The following ZNF138 variants were observed in gnomAD, a reference collection of about 807,000 sequenced individuals.
ZNF138 encodes zinc finger protein 138 (clone pHZ-32).
In ZNF138, 33 loss-of-function variants were observed where a neutral mutation model predicts 33.0. The observed-to-expected ratio is 1.00, with a 90% CI of 0.76 to 1.34. The LOEUF is 1.34. ZNF138 is among the 40% of genes most tolerant of loss of function. The pLI, the probability that ZNF138 is intolerant of heterozygous loss-of-function variation, is 0.00. For synonymous variants in ZNF138, 139 were observed against 120.4 expected, an observed-to-expected ratio of 1.15 and a Z score of -1.01; for missense variants, 360 against 370.8, an observed-to-expected ratio of 0.97 and a Z score of 0.24.
At chr7:64,812,846 T>A (rs1465198436) in intron 1 of ZNF138, among the ~76,000 whole-genome samples, 3 of 51,458 alleles carry the variant, frequency 5.8e-5, no homozygotes, top group Non-Finnish European at 7.3e-5. Context: ...GGGAAAAAAA[T>A]TGCCTTTTTT....
chr7:64,812,948 C>T (rs1788299958), intron 1 of ZNF138, among the ~76,000 whole-genome samples: 1 of 148,640 alleles, frequency 6.7e-6, no homozygotes, highest in Non-Finnish European at 1.5e-5. Context: ...TAAACCTTTA[C>T]TTCTCTAATT....
chr7:64,821,220 G>A (rs1261563251), intron 3 of ZNF138, among the ~76,000 whole-genome samples: 1 of 150,712 alleles, frequency 6.6e-6, no homozygotes, highest in Non-Finnish European at 1.5e-5. Flanking sequence ...CTCCTGAGTA[G>A]CTGGGACTAC....
At chr7:64,839,534 C>T in the ZNF138 span, among the ~76,000 whole-genome samples, 1 of 152,090 alleles carries the variant, frequency 6.6e-6, no homozygotes, top group Non-Finnish European at 1.5e-5. Flanking sequence ...ACTGGCCTTC[C>T]CTTGAGGAAG....
the ZNF138 span, among the ~76,000 whole-genome samples, chr7:64,854,365 G>A: frequency 3.3e-5 from 5 of 152,128 alleles, no homozygotes; most frequent in Non-Finnish European, 4.4e-5. Flanking sequence ...CTCAGCCTGC[G>A]AAGCAGCTGA....
intron 3 of ZNF138, among the ~76,000 whole-genome samples, chr7:64,817,404 A>T (rs1026816533): frequency 2.1e-5 from 3 of 146,186 alleles, no homozygotes; most frequent in Non-Finnish European, 4.5e-5. Context: ...AAGAACGGGA[A>T]TCTTGCAGTT....
chr7:64,827,251 C>CTTT (rs35317442), intron 3 of ZNF138, among the ~76,000 whole-genome samples: 4,486 of 144,634 alleles, frequency 0.031, 100 homozygotes, highest in East Asian at 0.082. Flanking sequence ...CACCATGAAA[C>CTTT]TTTTTTTTTT....
intron 1 of ZNF138, among the ~76,000 whole-genome samples, chr7:64,796,936 G>A (rs1044242120): frequency 6.6e-6 from 1 of 152,176 alleles, no homozygotes; most frequent in African/African-American, 2.4e-5. Context: ...TGTAATCCCA[G>A]CTATTCGGGA....
At chr7:64,854,777 TA>T in the ZNF138 span, among the ~76,000 whole-genome samples, 1 of 152,200 alleles carries the variant, frequency 6.6e-6, no homozygotes, top group Non-Finnish European at 1.5e-5. Flanking sequence ...TTTTGAAATC[TA>T]AAATCCTGGC....
the ZNF138 span, among the ~76,000 whole-genome samples, chr7:64,848,511 G>C: frequency 2.0e-5 from 3 of 151,194 alleles, no homozygotes; most frequent in East Asian, 5.9e-4. Flanking sequence ...ATTGTTTTTC[G>C]TTTATGCTAT....
At chr7:64,837,105 C>T, downstream of ZNF138, among the ~76,000 whole-genome samples, 1 of 152,126 alleles carries the variant, frequency 6.6e-6, no homozygotes. Flanking sequence ...TGGAGCCTGT[C>T]ACATGGAGAA....
rs1458885979 is a variant in ZNF138, at chr7:64,832,918, A to G, written c.*716A>G. The G allele has an allele frequency of 8.2e-5, 32 of 388,916 alleles. No homozygotes were observed. The highest frequency in any genetic ancestry group is 1.3e-4 in the Non-Finnish European group (25 of 193,048). 24.1% of individuals were successfully genotyped at this position (388,916 alleles called of 1,614,324 possible). On this transcript the variant is annotated 3_prime_UTR_variant, in exon 4 of 4. Transcript: ENST00000307355. ...ATGATTCACACTTGAATGAAACCCT[A>G]CAAATGTGAACGATGTGGCAGTTGT... is the stretch of plus-strand genomic sequence containing the variant.
In ZNF138 at chr7:64,814,099, G is replaced by A. The variant is rs368554835; in HGVS notation, c.4-819G>A. On this transcript the variant is annotated intron_variant, in intron 1 of 3. Transcript: ENST00000307355. ...AAAATCACAGGCTCTTCCACTTACTGGATATTTAACAAGATATTCTTCTTG... is the reference window on the plus strand; with the variant it reads ...AAAATCACAGGCTCTTCCACTTACTAGATATTTAACAAGATATTCTTCTTG... 1.8e-5 allele frequency: 22 copies of A among 1,223,072 alleles called. No individual in the cohort carries two copies. In the East Asian group the frequency reaches 4.0e-4, roughly 22 times the overall value. 75.8% of individuals were successfully genotyped at this position (1,223,072 alleles called of 1,614,324 possible).
At chr7:64,796,002 C>T (rs1271222981) in intron 1 of ZNF138, among the ~76,000 whole-genome samples, 2 of 152,194 alleles carry the variant, frequency 1.3e-5, no homozygotes, top group Non-Finnish European at 2.9e-5. Context: ...GAGGAATCTC[C>T]TGGTGTACTC....
At chr7:64,843,750 G>A in the ZNF138 span, among the ~76,000 whole-genome samples, 1 of 152,000 alleles carries the variant, frequency 6.6e-6, no homozygotes, top group African/African-American at 2.4e-5. Flanking sequence ...ATTCCATGCA[G>A]CAGCTTTTTA....
chr7:64,823,258 A>C (rs1290525212), intron 3 of ZNF138, among the ~76,000 whole-genome samples: 1 of 152,012 alleles, frequency 6.6e-6, no homozygotes, highest in Admixed American at 6.6e-5. Context: ...TAGATTTTCC[A>C]GTTCTACTTT....
chr7:64,813,989 C>A, intron 1 of ZNF138: 1 of 1,111,804 alleles, frequency 9.0e-7, no homozygotes, highest in African/African-American at 1.7e-5. Context: ...CTGGCAGCTG[C>A]CTTTCTATCT....
At chr7:64,816,508 A>C (rs1386625400) in intron 3 of ZNF138, among the ~76,000 whole-genome samples, 1 of 152,094 alleles carries the variant, frequency 6.6e-6, no homozygotes, top group Non-Finnish European at 1.5e-5. Context: ...AAGTATATGG[A>C]ACCATAATTT....
chr7:64,828,018 T>C (rs1789782390), intron 3 of ZNF138, among the ~76,000 whole-genome samples: 1 of 152,164 alleles, frequency 6.6e-6, no homozygotes, highest in South Asian at 2.1e-4. Flanking sequence ...TATAACTTAT[T>C]TATTTGTGGT....
At chr7:64,849,371 GGTCCTTA>G in the ZNF138 span, among the ~76,000 whole-genome samples, 1 of 152,152 alleles carries the variant, frequency 6.6e-6, no homozygotes. Context: ...ACTCTGTTAA[GGTCCTTA>G]GTTTTGGTTG....
Sources: allele counts gnomAD v4.1 joint callset (sites outside exome capture counted in the v4.1 genomes callset), GRCh38; gene constraint gnomAD v4.1.1; transcripts MANE v1.5; gene names NCBI Gene and HGNC (gene_info 2026-07-23, HGNC 2026-07-21).